The following ABCB4 variants were observed in gnomAD, a reference collection of about 807,000 sequenced individuals.
ABCB4 encodes phosphatidylcholine translocator ABCB4.
A neutral mutation model predicts 145.7 loss-of-function variants in ABCB4; 76 were observed. That is an observed-to-expected ratio of 0.52 (90% CI 0.43 to 0.63). ABCB4 has a LOEUF of 0.63. ABCB4 is among the 30% of genes least tolerant of loss of function. ABCB4 has a pLI of 0.00. For synonymous variants in ABCB4, 517 were observed against 566.8 expected (o/e 0.91, Z 1.25); for missense variants, 1,234 against 1,553.1 (o/e 0.79, Z 3.45).
Position 87,401,998 on chromosome 7 carries a change from C to A in ABCB4, c.*98G>T. ...ATTGATCTAGAATGAGACAGACATACCTATGTTTTATGATGACAAACCAGA... is the reference window on the plus strand; with the variant it reads ...ATTGATCTAGAATGAGACAGACATAACTATGTTTTATGATGACAAACCAGA... On this transcript the variant is annotated 3_prime_UTR_variant, in exon 28 of 28. Transcript: ENST00000649586. The A allele has an allele frequency of 6.8e-7, 1 of 1,479,918 alleles. No homozygotes were observed. The highest frequency in any genetic ancestry group is 9.3e-7 in the Non-Finnish European group (1 of 1,078,170). 91.7% of individuals were successfully genotyped at this position (1,479,918 alleles called of 1,614,324 possible).
chr7:87,423,619 A>T, intron 17 of ABCB4: 1 of 423,042 alleles, frequency 2.4e-6, no homozygotes, highest in Non-Finnish European at 4.4e-6. Context: ...ACACAAACAG[A>T]TTGGGGATCA....
At chr7:87,390,156 T>C in the ABCB4 span, among the ~76,000 whole-genome samples, 1 of 152,334 alleles carries the variant, frequency 6.6e-6, no homozygotes, top group East Asian at 1.9e-4. Context: ...TAGTTAGAGC[T>C]AGAGGATTGA....
At chr7:87,445,032 T>A in intron 9 of ABCB4, 57 bp from the exon 10 acceptor site, 1 of 1,111,138 alleles carries the variant, frequency 9.0e-7, no homozygotes, top group Non-Finnish European at 1.3e-6. Context: ...CATTATTATC[T>A]AAAATGTGAT....
intron 15 of ABCB4, among the ~76,000 whole-genome samples, chr7:87,429,557 T>C (rs1455924727): frequency 6.6e-6 from 1 of 152,246 alleles, no homozygotes; most frequent in Non-Finnish European, 1.5e-5. Context: ...CAAGAGCTTA[T>C]GGCAATAGGA....
Position 87,433,709 on chromosome 7 carries a change from AC to A in ABCB4, c.1732-2145del, listed in dbSNP as rs200137867. Among the ~76,000 whole-genome samples the A allele has an allele frequency of 4.9e-4, 70 of 142,034 alleles. 3 individuals carry two copies. The East Asian group carries it at 0.013, about 27-fold the overall frequency. The allele number at this position is 142,034 out of a possible 152,430, so 93.2% of individuals were successfully genotyped here. A position where few individuals can be genotyped will look rare whatever the true frequency, so the allele number is the denominator to read the frequency against. On this transcript the variant is annotated intron_variant, in intron 14 of 27. Coordinates refer to ENST00000649586, the MANE Select transcript of ABCB4 (RefSeq NM_000443.4). ...TTTTTTTTTTTCAGAGCTCCCAGAC[AC>A]CCTGATGATGACAGGACATTGATAA...
At chr7:87,402,331 C>T (rs1807843183) in intron 27 of ABCB4, 29 bp from the exon 28 acceptor site, 2 of 1,612,928 alleles carry the variant, frequency 1.2e-6, no homozygotes, top group East Asian at 2.2e-5. Flanking sequence ...GACACCTTAT[C>T]CCAAAAATTG....
the ABCB4 span, among the ~76,000 whole-genome samples, chr7:87,383,834 G>A: frequency 2.2e-4 from 34 of 152,170 alleles, no homozygotes; most frequent in African/African-American, 7.9e-4. Flanking sequence ...GGACACTTAG[G>A]TTGATTCTAT....
At chr7:87,392,829 ATAGTG>A in the ABCB4 span, 2 of 1,612,338 alleles carry the variant, frequency 1.2e-6, no homozygotes, top group Non-Finnish European at 1.7e-6. Flanking sequence ...AAAAGGTAAT[ATAGTG>A]TAGTGTTTTA....
At chr7:87,422,869 C>T (rs989938415) in intron 17 of ABCB4, among the ~76,000 whole-genome samples, 3 of 152,136 alleles carry the variant, frequency 2.0e-5, no homozygotes, top group African/African-American at 4.8e-5. Flanking sequence ...ATGTCTTCCC[C>T]GACAGAAACC....
At chr7:87,435,225 T>C (rs1241911308) in intron 14 of ABCB4, among the ~76,000 whole-genome samples, 1 of 152,204 alleles carries the variant, frequency 6.6e-6, no homozygotes, top group Non-Finnish European at 1.5e-5. Flanking sequence ...TCTTTAAAGG[T>C]ATGGTTTATT....
chr7:87,422,718 C>T (rs1417750235), intron 17 of ABCB4, among the ~76,000 whole-genome samples: 1 of 152,188 alleles, frequency 6.6e-6, no homozygotes, highest in Non-Finnish European at 1.5e-5. Context: ...GGCTTCCACC[C>T]AGAGGGGCCT....
rs140713801 is a variant in ABCB4 at position 87,422,745 on chromosome 7, C to G, written c.2212-520G>C. 6.0e-4 allele frequency among the ~76,000 whole-genome samples: 91 copies of G among 152,302 alleles called. No homozygotes were observed. The East Asian group carries it at 0.012, about 21-fold the overall frequency. ...GAGGGGCCTTTCCTGAGCATCCTATCTGAAACAGCACCCCCAGCTAACACC... is the reference window on the plus strand; with the variant it reads ...GAGGGGCCTTTCCTGAGCATCCTATGTGAAACAGCACCCCCAGCTAACACC... On this transcript the variant is annotated intron_variant, in intron 17 of 27. Transcript: ENST00000649586.
downstream of ABCB4, among the ~76,000 whole-genome samples, chr7:87,400,013 A>C (rs191578840): frequency 4.6e-5 from 7 of 152,026 alleles, 1 homozygote; most frequent in Non-Finnish European, 2.9e-5. Context: ...CTCACCAACT[A>C]TCTGTAAATT....
chr7:87,406,586 A>T, intron 25 of ABCB4, 92 bp from the exon 26 acceptor site: 1 of 1,391,884 alleles, frequency 7.2e-7, no homozygotes, highest in Non-Finnish European at 9.9e-7. Context: ...GGATCGTTGC[A>T]TGAGGGTGTC....
intron 10 of ABCB4, among the ~76,000 whole-genome samples, chr7:87,443,974 C>T (rs960006213): frequency 2.6e-4 from 39 of 152,176 alleles, no homozygotes; most frequent in South Asian, 1.2e-3. Flanking sequence ...TAGTGTTTTC[C>T]TGAAAAGTAC....
At chr7:87,415,127 A>G (rs31660) in intron 21 of ABCB4, among the ~76,000 whole-genome samples, 138,560 of 152,190 alleles carry the variant, frequency 0.91, 63,359 homozygotes, top group African/African-American at 0.98. Context: ...CAACTCCCTT[A>G]CGGGTTAGCT....
At chr7:87,433,088 A>G (rs1262539788) in intron 14 of ABCB4, among the ~76,000 whole-genome samples, 1 of 152,234 alleles carries the variant, frequency 6.6e-6, no homozygotes, top group Admixed American at 6.5e-5. Context: ...GAATTTAATT[A>G]CAATAAATAT....
chr7:87,425,720 A>G (rs1809757516), intron 16 of ABCB4, among the ~76,000 whole-genome samples: 1 of 151,948 alleles, frequency 6.6e-6, no homozygotes, highest in Non-Finnish European at 1.5e-5. Flanking sequence ...CAAAAAGCAC[A>G]GAAAAATTAG....
chr7:87,400,263 G>C (rs565076867), downstream of ABCB4, among the ~76,000 whole-genome samples: 50 of 152,320 alleles, frequency 3.3e-4, no homozygotes, highest in South Asian at 9.5e-3. Context: ...TTGTAAAAGA[G>C]TGGGCACAGA....
Sources: allele counts gnomAD v4.1 joint callset (sites outside exome capture counted in the v4.1 genomes callset), GRCh38; gene constraint gnomAD v4.1.1; transcripts MANE v1.5; gene names NCBI Gene and HGNC (gene_info 2026-07-23, HGNC 2026-07-21).